Variants in BSDC1 observed in about 807,000 individuals in gnomAD.
The protein encoded by BSDC1 is BSD domain-containing protein 1.
A neutral mutation model predicts 56.0 loss-of-function variants in BSDC1; 29 were observed. That is an observed-to-expected ratio of 0.52 (90% confidence interval 0.39 to 0.71). The LOEUF is 0.71. BSDC1 is among the 30% of genes least tolerant of loss of function. The pLI is 0.00. For missense variants in BSDC1, 477 were observed against 548.5 expected (o/e 0.87, Z 1.30); for synonymous variants, 210 against 215.3 (o/e 0.98, Z 0.21).
chr1:32,388,085 C>T (rs1642733809), intron 2 of BSDC1, among the ~76,000 whole-genome samples: 1 of 152,192 alleles, frequency 6.6e-6, no homozygotes, highest in Non-Finnish European at 1.5e-5. Context: ...TCAGACTCAC[C>T]AACTCTAGGA....
At chr1:32,367,947 C>T in intron 10 of BSDC1, 2 of 1,038,012 alleles carry the variant, frequency 1.9e-6, no homozygotes, top group Non-Finnish European at 2.3e-6. Context: ...CTTTTGTCTC[C>T]AAGGCCAAGT....
Position 32,366,259 on chromosome 1 carries a change from C to G in BSDC1, c.*363G>C, listed in dbSNP as rs183491996. 2 of 408,926 alleles carry G rather than the reference C, an allele frequency of 4.9e-6. No homozygotes were observed. Among genetic ancestry groups the G allele is most frequent in the African/African-American group, 2.1e-5 (1 of 48,540 alleles). The allele number at this position is 408,926 out of a possible 1,614,324, so 25.3% of individuals were successfully genotyped here. A position where few individuals can be genotyped will look rare whatever the true frequency, so the allele number is the denominator to read the frequency against. ...CCTCCGAGAGAGACTGGTGGTTTAGCTTCTGTCTACACAGGCAGAAGGGCT... is the reference window on the plus strand; with the variant it reads ...CCTCCGAGAGAGACTGGTGGTTTAGGTTCTGTCTACACAGGCAGAAGGGCT... On this transcript the variant is annotated 3_prime_UTR_variant, in exon 11 of 11. Coordinates refer to ENST00000455895, the MANE Select transcript of BSDC1 (RefSeq NM_018045.8).
At chr1:32,369,316 A>G (rs1410147424) in intron 9 of BSDC1, 1 of 1,289,466 alleles carries the variant, frequency 7.8e-7, no homozygotes, top group Non-Finnish European at 1.0e-6. Flanking sequence ...AGAGGAAATC[A>G]ACAGTGAACT....
Position 32,381,242 on chromosome 1 carries a change from G to A in BSDC1, c.384C>T (p.Asp128=), listed in dbSNP as rs767923485. Residue 128 remains aspartate (D), a synonymous_variant, in exon 5 of 11, where the codon GAC becomes GAT. Transcript: ENST00000455895. ...CTGGTTCATTACAGTAGGTTGCTGG[G>A]TCCGACTGCAGGCTATAGAGGCGAG... is the stretch of plus-strand genomic sequence containing the variant. The part of the protein sequence containing the change: ...TKARLYSLQS[D]PATYCNEPDG... The A allele has an allele frequency of 1.3e-5, 21 of 1,613,650 alleles. No homozygotes were observed. The South Asian group carries it at 2.1e-4, about 16-fold the overall frequency.
At chr1:32,369,294 C>G in intron 9 of BSDC1, 1 of 1,289,624 alleles carries the variant, frequency 7.8e-7, no homozygotes, top group South Asian at 1.2e-5. Context: ...AAGAGAGTCA[C>G]AGAAATCTTC....
rs545946240 is a variant in BSDC1 at position 32,383,484 on chromosome 1, A to G, written c.357+346T>C. Among the ~76,000 whole-genome samples the G allele has an allele frequency of 2.6e-5, 4 of 151,944 alleles. No homozygotes were observed. The South Asian group carries it at 8.3e-4, about 32-fold the overall frequency. On this transcript the variant is annotated intron_variant, in intron 4 of 10. Transcript: ENST00000455895. ...AAAAAAAAAAAGATGATTAGGAAAG[A>G]TGCTATGTTTGTTGATTTTTTAAAA...
At chr1:32,367,555 G>A (rs760112682) in intron 10 of BSDC1, 13 of 985,246 alleles carry the variant, frequency 1.3e-5, no homozygotes, top group Non-Finnish European at 1.6e-5. Flanking sequence ...GGACTCATGT[G>A]GTTCTTATGT....
chr1:32,385,167 T>C (rs1361527590), intron 3 of BSDC1, among the ~76,000 whole-genome samples: 4 of 152,236 alleles, frequency 2.6e-5, no homozygotes, highest in Non-Finnish European at 5.9e-5. Flanking sequence ...TTTACCTCAC[T>C]GGAAACTTCA....
chr1:32,383,356 A>T (rs1185256286), intron 4 of BSDC1, among the ~76,000 whole-genome samples: 1 of 151,942 alleles, frequency 6.6e-6, no homozygotes, highest in Non-Finnish European at 1.5e-5. Context: ...CTGAGGTGGA[A>T]GGACCCTTGA....
intron 4 of BSDC1, among the ~76,000 whole-genome samples, chr1:32,382,697 C>CA (rs74997036): frequency 0.084 from 7,089 of 84,314 alleles, 552 homozygotes; most frequent in African/African-American, 0.24. Flanking sequence ...CTCATCGCTA[C>CA]AAAAAAAAAA....
intron 9 of BSDC1, among the ~76,000 whole-genome samples, chr1:32,369,712 C>T (rs763720373): frequency 1.9e-4 from 29 of 152,216 alleles, no homozygotes; most frequent in Non-Finnish European, 4.0e-4. Flanking sequence ...CATGCCATTG[C>T]TCAAATCGTA....
chr1:32,394,232 G>A (rs748589902), intron 1 of BSDC1, 92 bp from the exon 2 acceptor site: 210 of 1,564,578 alleles, frequency 1.3e-4, no homozygotes, highest in Non-Finnish European at 1.7e-4. Context: ...TACCCTGCGG[G>A]CCGAGGCTTC....
At position 32,367,581 on chromosome 1, in the gene BSDC1, G is replaced by A. The variant is rs1210902595; in HGVS notation, c.1260+866C>T. The A allele has an allele frequency of 1.3e-5, 13 of 985,330 alleles. No individual in the cohort carries two copies. The East Asian group carries it at 3.4e-4, about 26-fold the overall frequency. The allele number at this position is 985,330 out of a possible 1,614,324, so 61.0% of individuals were successfully genotyped here. ...GTTCTTATGTGACAGTGGAACTAAC[G>A]CTGACATGAATCAGATGTCTGGGTT... On this transcript the variant is annotated intron_variant, in intron 10 of 10. Transcript: ENST00000455895.
chr1:32,386,417 T>C (rs1041525107), intron 3 of BSDC1: 1 of 175,880 alleles, frequency 5.7e-6, no homozygotes, highest in East Asian at 1.7e-4. Context: ...CCCCAAAATA[T>C]TAACAGTAGC....
At chr1:32,374,217 GAC>G (rs777073225) in intron 9 of BSDC1, among the ~76,000 whole-genome samples, 3 of 152,204 alleles carry the variant, frequency 2.0e-5, no homozygotes, top group South Asian at 2.1e-4. Flanking sequence ...CACAGATCTA[GAC>G]ACAGAGAAAG....
At position 32,365,438 on chromosome 1, in the gene BSDC1, G is replaced by A. The variant is rs1293779897; in HGVS notation, c.*1184C>T. The A allele has an allele frequency of 3.9e-5, 6 of 152,218 alleles. No homozygotes were observed. The highest frequency in any genetic ancestry group is 1.9e-4 in the East Asian group (1 of 5,182). 9.4% of individuals were successfully genotyped at this position (152,218 alleles called of 1,614,324 possible). On this transcript the variant is annotated 3_prime_UTR_variant, in exon 11 of 11. Coordinates refer to ENST00000455895, the MANE Select transcript of BSDC1 (RefSeq NM_018045.8). ...GAAGTGGAAGTGACCTCACTCTCTC[G>A]GTGTCCCTGACCCACGATCCCTTTC... is the stretch of plus-strand genomic sequence containing the variant.
chr1:32,368,144 T>C (rs1246043991), intron 10 of BSDC1: 1 of 1,418,436 alleles, frequency 7.1e-7, no homozygotes, highest in Admixed American at 3.0e-5. Context: ...AGTGTTGGGA[T>C]TACAGGTGTG....
In BSDC1 at chr1:32,366,489, C is replaced by T. The variant is rs1641854486; in HGVS notation, c.*133G>A. The T allele has an allele frequency of 2.2e-6, 2 of 913,948 alleles. No individual in the cohort carries two copies. Among genetic ancestry groups the T allele is most frequent in the Non-Finnish European group, 3.5e-6 (2 of 565,188 alleles). The allele number at this position is 913,948 out of a possible 1,614,324, so 56.6% of individuals were successfully genotyped here. A position where few individuals can be genotyped will look rare whatever the true frequency, so the allele number is the denominator to read the frequency against. On this transcript the variant is annotated 3_prime_UTR_variant, in exon 11 of 11. Transcript: ENST00000455895. ...GCCCAAGAGGGCCAGCAGGGAGCCACCAGAATCTGTGCCCAGAGCTCTGGT... is the reference window on the plus strand; with the variant it reads ...GCCCAAGAGGGCCAGCAGGGAGCCATCAGAATCTGTGCCCAGAGCTCTGGT...
chr1:32,372,107 A>G (rs1352246133), intron 9 of BSDC1, among the ~76,000 whole-genome samples: 1 of 152,218 alleles, frequency 6.6e-6, no homozygotes, highest in Non-Finnish European at 1.5e-5. Context: ...GTATGAATGT[A>G]AAGTGCCTAT....
Sources: allele counts gnomAD v4.1 joint callset (sites outside exome capture counted in the v4.1 genomes callset), GRCh38; gene constraint gnomAD v4.1.1; transcripts MANE v1.5; gene names NCBI Gene and HGNC (gene_info 2026-07-23, HGNC 2026-07-21).